The following TEK variants were observed in gnomAD, a reference collection of about 807,000 sequenced individuals.
The protein encoded by TEK is TEK receptor tyrosine kinase, also known as angiopoietin-1 receptor.
Under a neutral mutation model 131.8 loss-of-function variants are expected in TEK, and 43 were observed. The ratio of observed to expected loss-of-function variants is 0.33; its 90% CI spans 0.26 to 0.42. The LOEUF (loss-of-function observed/expected upper bound fraction) is 0.42. Ranked by LOEUF, TEK falls within the 10% of genes least tolerant of loss-of-function variation. The pLI is 1.00. For synonymous variants in TEK, 580 were observed against 491.6 expected (o/e 1.18, Z -2.38); for missense variants, 1,162 against 1,384.4 (o/e 0.84, Z 2.55).
intron 21 of TEK, among the ~76,000 whole-genome samples, chr9:27,223,656 G>C (rs1791590049): frequency 6.6e-6 from 1 of 152,134 alleles, no homozygotes; most frequent in African/African-American, 2.4e-5. Flanking sequence ...ATGCCCACAG[G>C]AGAAAGCAGG....
intron 1 of TEK, among the ~76,000 whole-genome samples, chr9:27,145,250 C>T (rs1212222308): frequency 6.6e-6 from 1 of 152,102 alleles, no homozygotes; most frequent in African/African-American, 2.4e-5. Context: ...TAAGGTCAGC[C>T]CTGTAAAAAA....
chr9:27,228,310 G>C lies in TEK; in HGVS notation c.3300+5G>C, dbSNP rs1302695604. On this transcript the variant is annotated splice_donor_5th_base_variant and intron_variant, in intron 22 of 22. Coordinates refer to ENST00000380036, the MANE Select transcript of TEK (RefSeq NM_000459.5). ...AGAATGTTAGAGGAGCGAAAGGTAAGTATTAAAGTCAGGCAGGAGATCTTT... is the reference window on the plus strand; with the variant it reads ...AGAATGTTAGAGGAGCGAAAGGTAACTATTAAAGTCAGGCAGGAGATCTTT... The C allele has an allele frequency of 2.5e-6, 4 of 1,608,220 alleles. No homozygotes were observed. Among genetic ancestry groups the C allele is most frequent in the Non-Finnish European group, 3.4e-6 (4 of 1,175,164 alleles).
At chr9:27,182,105 G>A (rs998683979) in intron 7 of TEK, among the ~76,000 whole-genome samples, 6 of 152,176 alleles carry the variant, frequency 3.9e-5, no homozygotes, top group South Asian at 4.1e-4. Flanking sequence ...TGTATTGAAC[G>A]TGGGCAGCTA....
At chr9:27,138,073 C>T (rs1363865084) in intron 1 of TEK, among the ~76,000 whole-genome samples, 1 of 152,152 alleles carries the variant, frequency 6.6e-6, no homozygotes, top group Non-Finnish European at 1.5e-5. Flanking sequence ...TTTGTTCCTT[C>T]CGGTGGGTTC....
intron 1 of TEK, among the ~76,000 whole-genome samples, chr9:27,112,674 G>C (rs145203957): frequency 0.015 from 2,214 of 152,254 alleles, 34 homozygotes; most frequent in Admixed American, 0.025. Flanking sequence ...CTCCCCAAAG[G>C]ATATCTGTGT....
rs683611 is a variant in TEK at position 27,217,399 on chromosome 9, G to A, written c.2992-289G>A. On this transcript the variant is annotated intron_variant, in intron 18 of 22. Transcript: ENST00000380036. The stretch of plus-strand genomic sequence containing the variant: ...TGTCTATGCCTGTCTCCCCTTTCAA[G>A]CCTCGGAGTGCCTCTGAGGGCTATA... 0.85 allele frequency among the ~76,000 whole-genome samples: 129,739 copies of A among 152,136 alleles called. 55,598 individuals are homozygous for A. The highest frequency in any genetic ancestry group is 1 in the East Asian group (5,169 of 5,176).
Position 27,169,607 on chromosome 9 carries a change from C to A in TEK, c.606C>A (p.Ala202=). 3.1e-6 allele frequency: 5 copies of A among 1,614,150 alleles called. No homozygotes were observed. The highest frequency in any genetic ancestry group is 4.2e-6 in the Non-Finnish European group (5 of 1,179,984). Residue 202 remains alanine, a synonymous_variant, in exon 4 of 23, where the codon GCC becomes GCA. Coordinates refer to ENST00000380036, the MANE Select transcript of TEK (RefSeq NM_000459.5). Reference sequence around the variant, plus strand: ...TAGGAGGAAACCTCTTCACCTCGGCCTTCACCAGGCTGATAGTCCGGAGTA... The same window carrying A: ...TAGGAGGAAACCTCTTCACCTCGGCATTCACCAGGCTGATAGTCCGGAGTA... The part of the protein sequence containing the change: ...RYIGGNLFTS[A]FTRLIVRRCE...
intron 21 of TEK, among the ~76,000 whole-genome samples, chr9:27,222,321 T>A (rs1320925957): frequency 6.6e-6 from 1 of 152,148 alleles, no homozygotes; most frequent in Non-Finnish European, 1.5e-5. Context: ...TTCCCCAACC[T>A]AGCAAGACAG....
intron 12 of TEK, among the ~76,000 whole-genome samples, chr9:27,200,120 G>A (rs1164822198): frequency 6.6e-6 from 1 of 152,124 alleles, no homozygotes; most frequent in South Asian, 2.1e-4. Context: ...TAGTCCCCAT[G>A]GTGAGTTGTG....
At chr9:27,160,208 G>C (rs1252225416) in intron 2 of TEK, among the ~76,000 whole-genome samples, 1 of 151,664 alleles carries the variant, frequency 6.6e-6, no homozygotes, top group Admixed American at 6.6e-5. Context: ...ATTTTTCATA[G>C]ATATGGGGGT....
At chr9:27,206,119 A>G (rs1046981676) in intron 14 of TEK, among the ~76,000 whole-genome samples, 3 of 152,226 alleles carry the variant, frequency 2.0e-5, no homozygotes, top group African/African-American at 7.2e-5. Context: ...TTACTACGAG[A>G]GAGAAAGAGT....
intron 17 of TEK, 148 bp from the exon 18 acceptor site, chr9:27,213,336 G>A: frequency 3.2e-6 from 2 of 629,184 alleles, no homozygotes; most frequent in Non-Finnish European, 5.7e-6. Context: ...TCCATTACCA[G>A]GGAATTTTGG....
intron 1 of TEK, among the ~76,000 whole-genome samples, chr9:27,137,596 C>G (rs1262624464): frequency 1.3e-5 from 2 of 151,980 alleles, no homozygotes; most frequent in Non-Finnish European, 2.9e-5. Context: ...ATTTATATTT[C>G]CTAATAAAAA....
intron 1 of TEK, among the ~76,000 whole-genome samples, chr9:27,126,867 G>C (rs751157240): frequency 6.6e-6 from 1 of 152,112 alleles, no homozygotes. Flanking sequence ...TGGATTCCCC[G>C]AAGCAGGCCT....
chr9:27,212,708 C>T lies in TEK; in HGVS notation c.2688C>T (p.Gly896=). The change falls in exon 17 of 23, where the codon GGC becomes GGT. Residue 896 remains glycine, a splice_region_variant and synonymous_variant. Transcript: ENST00000380036. ...INLLGACEHR[G]YLYLAIEYAP... ...CGATGCTCTCTTCCTTCCCTCCAGG[C>T]TACTTGTACCTGGCCATTGAGTACG... 1 of 1,614,126 alleles carries T rather than the reference C, an allele frequency of 6.2e-7. No individual in the cohort carries two copies. Among genetic ancestry groups the T allele is most frequent in the Non-Finnish European group, 8.5e-7 (1 of 1,179,996 alleles).
chr9:27,123,847 G>T (rs1347354948), intron 1 of TEK, among the ~76,000 whole-genome samples: 2 of 152,188 alleles, frequency 1.3e-5, no homozygotes, highest in African/African-American at 4.8e-5. Flanking sequence ...CATGATTTCG[G>T]CTCACTGCAA....
chr9:27,110,917 AT>A (rs11353108), intron 1 of TEK, among the ~76,000 whole-genome samples: 141,146 of 150,542 alleles, frequency 0.94, 66,689 homozygotes, highest in Non-Finnish European at 1. Flanking sequence ...TCCATTTTTG[AT>A]TTTTTTTTTT....
intron 18 of TEK, among the ~76,000 whole-genome samples, chr9:27,216,600 C>T (rs1406181291): frequency 6.6e-6 from 1 of 152,156 alleles, no homozygotes; most frequent in African/African-American, 2.4e-5. Context: ...AAAATACTTC[C>T]ATACTTGAAC....
At chr9:27,228,576 C>G (rs1342027683) in intron 22 of TEK, among the ~76,000 whole-genome samples, 2 of 152,058 alleles carry the variant, frequency 1.3e-5, no homozygotes, top group Non-Finnish European at 2.9e-5. Flanking sequence ...GTCATATAGC[C>G]TGACCCTTTA....
Sources: gnomAD v4.1 joint callset for allele counts (sites outside exome capture counted in the v4.1 genomes callset) on GRCh38, gnomAD v4.1.1 for gene constraint, MANE v1.5 for transcripts, NCBI Gene and HGNC (gene_info 2026-07-23, HGNC 2026-07-21) for gene names.